Variants in PTPRK observed in about 807,000 individuals in gnomAD.
The protein encoded by PTPRK is receptor-type tyrosine-protein phosphatase kappa.
A neutral mutation model predicts 178.0 loss-of-function variants in PTPRK; 75 were observed. The observed-to-expected ratio is 0.42, with a 90% CI of 0.35 to 0.51. PTPRK has a LOEUF of 0.51. PTPRK is among the 20% of genes least tolerant of loss of function. The pLI, the probability that PTPRK is intolerant of heterozygous loss-of-function variation, is 0.02. For missense variants in PTPRK, 1,441 were observed against 1,797.8 expected (o/e 0.80, Z 3.59); for synonymous variants, 637 against 620.6 (o/e 1.03, Z -0.39).
intron 2 of PTPRK, among the ~76,000 whole-genome samples, chr6:128,381,727 A>G (rs1240474092): frequency 6.6e-6 from 1 of 152,304 alleles, no homozygotes; most frequent in East Asian, 1.9e-4. Flanking sequence ...AATGGAAGCT[A>G]AGAAAGGTTG....
chr6:128,040,870 G>A (rs1319713398), intron 13 of PTPRK, among the ~76,000 whole-genome samples: 1 of 152,020 alleles, frequency 6.6e-6, no homozygotes, highest in Non-Finnish European at 1.5e-5. Flanking sequence ...CTTGAATACA[G>A]AATAGGAAAT....
At chr6:128,028,258 G>A (rs1345478153) in intron 13 of PTPRK, among the ~76,000 whole-genome samples, 2 of 152,088 alleles carry the variant, frequency 1.3e-5, no homozygotes, top group African/African-American at 4.8e-5. Context: ...GTTTAAGTAA[G>A]CACCTGATAA....
intron 1 of PTPRK, among the ~76,000 whole-genome samples, chr6:128,503,134 G>A (rs146104992): frequency 0.014 from 2,152 of 152,280 alleles, 20 homozygotes; most frequent in Non-Finnish European, 0.021. Flanking sequence ...GATGAGGCAG[G>A]AGAATCACTT....
In PTPRK at chr6:128,001,277, T is replaced by C. The variant is rs1298653148; in HGVS notation, c.2495-2373A>G. 6 of 1,235,670 alleles carry C rather than the reference T, an allele frequency of 4.9e-6. No homozygotes were observed. In the Admixed American group the frequency reaches 8.9e-5, roughly 18 times the overall value. The allele number at this position is 1,235,670 out of a possible 1,614,324, so 76.5% of individuals were successfully genotyped here. ...ATCAGTATGAAAAGTTTCTAAGCCC[T>C]TTTAAATCAGTAAGTATTAGCATTA... On this transcript the variant is annotated intron_variant, in intron 15 of 29. Transcript: ENST00000368226.
chr6:128,003,245 A>C, intron 15 of PTPRK: 1 of 1,600,260 alleles, frequency 6.2e-7, no homozygotes, highest in South Asian at 1.1e-5. Flanking sequence ...GCAGGAAAAC[A>C]AAGCTCATGA....
Position 127,973,673 on chromosome 6 carries a change from A to T in PTPRK, c.4124T>A (p.Ile1375Asn). Residue 1375 changes from isoleucine to asparagine, a missense_variant, in exon 28 of 30, where the codon ATC becomes AAC. By Grantham distance (149) the Ile-to-Asn change is moderately radical. Coordinates refer to ENST00000368226, the MANE Select transcript of PTPRK (RefSeq NM_002844.4). ...GAGCTGCCCTACTCACAGGCAGTGGATAATCGTCCGGCCTTCCCCTTCCTC... is the reference window on the plus strand; with the variant it reads ...GAGCTGCCCTACTCACAGGCAGTGGTTAATCGTCCGGCCTTCCCCTTCCTC... Reference protein sequence around the residue: ...ECEEGEGRTIIHCLNGGGRSG... With the variant: ...ECEEGEGRTINHCLNGGGRSG... 1.2e-6 allele frequency: 2 copies of T among 1,613,630 alleles called. No homozygotes were observed. The highest frequency in any genetic ancestry group is 1.7e-6 in the Non-Finnish European group (2 of 1,179,912).
chr6:128,464,279 G>A (rs992466364), intron 1 of PTPRK, among the ~76,000 whole-genome samples: 4 of 151,878 alleles, frequency 2.6e-5, no homozygotes, highest in Admixed American at 2.6e-4. Flanking sequence ...AAGTCAAACA[G>A]GCGTCTAGTC....
At chr6:128,035,750 G>A (rs1377006255) in intron 13 of PTPRK, among the ~76,000 whole-genome samples, 1 of 152,154 alleles carries the variant, frequency 6.6e-6, no homozygotes, top group African/African-American at 2.4e-5. Flanking sequence ...CCTTCTGGAG[G>A]CATCTAGGAA....
chr6:128,476,027 A>G (rs564586410), intron 1 of PTPRK, among the ~76,000 whole-genome samples: 2 of 152,078 alleles, frequency 1.3e-5, no homozygotes, highest in Non-Finnish European at 2.9e-5. Context: ...TAGAAAGGAT[A>G]TCTTACCAAA....
chr6:128,370,707 A>C (rs1836154723), intron 2 of PTPRK, among the ~76,000 whole-genome samples: 1 of 152,128 alleles, frequency 6.6e-6, no homozygotes, highest in African/African-American at 2.4e-5. Flanking sequence ...TATGTTTTAG[A>C]CTTTTGTTAT....
chr6:128,133,530 T>C (rs763312517), intron 7 of PTPRK, among the ~76,000 whole-genome samples: 2 of 152,182 alleles, frequency 1.3e-5, no homozygotes, highest in Admixed American at 1.3e-4. Context: ...CAAAATTACA[T>C]CTGAGCTAAT....
chr6:128,262,221 T>G (rs1818278867), intron 3 of PTPRK, among the ~76,000 whole-genome samples: 1 of 152,182 alleles, frequency 6.6e-6, no homozygotes, highest in Non-Finnish European at 1.5e-5. Context: ...TTATGTAGTT[T>G]CCAACCTGTT....
chr6:128,270,676 T>G (rs1326365315), intron 3 of PTPRK, among the ~76,000 whole-genome samples: 1 of 152,172 alleles, frequency 6.6e-6, no homozygotes, highest in African/African-American at 2.4e-5. Flanking sequence ...CTTTAGATAA[T>G]GTACAATACG....
intron 22 of PTPRK, among the ~76,000 whole-genome samples, chr6:127,985,308 T>C (rs1035707899): frequency 1.3e-5 from 2 of 152,314 alleles, no homozygotes; most frequent in Non-Finnish European, 2.9e-5. Flanking sequence ...CCTTGCAATT[T>C]AGGCCATTTA....
Position 128,095,096 on chromosome 6 carries a change from A to T in PTPRK, c.1163-5104T>A, listed in dbSNP as rs114768953. Reference sequence around the variant, plus strand: ...CTAGTGTCTGCCCCATTTTTCAGATAAAAAAAAAAAGAATTGAATGAAAGA... The same window carrying T: ...CTAGTGTCTGCCCCATTTTTCAGATTAAAAAAAAAAGAATTGAATGAAAGA... On this transcript the variant is annotated intron_variant, in intron 7 of 29. Coordinates refer to ENST00000368226, the MANE Select transcript of PTPRK (RefSeq NM_002844.4). Among the ~76,000 whole-genome samples the T allele has an allele frequency of 1.4e-3, 198 of 144,894 alleles. 2 individuals carry two copies. Among genetic ancestry groups the T allele is most frequent in the Middle Eastern group, 7.0e-3 (2 of 284 alleles).
intron 3 of PTPRK, among the ~76,000 whole-genome samples, chr6:128,265,319 T>C (rs1818783756): frequency 6.6e-6 from 1 of 152,168 alleles, no homozygotes; most frequent in South Asian, 2.1e-4. Flanking sequence ...TCTGCTAAGA[T>C]AACTAATTTT....
At position 127,983,249 on chromosome 6, in the gene PTPRK, T is replaced by C. The variant is rs1336319802; in HGVS notation, c.3380A>G (p.Gln1127Arg). 6.2e-7 allele frequency: 1 copy of C among 1,610,466 alleles called. No individual in the cohort carries two copies. The highest frequency in any genetic ancestry group is 1.1e-5 in the South Asian group (1 of 90,648). ...ALRSRRINMV[Q>R]TEEQYIFIHD... ...ACAGGTAAATCTACATACCTCTGTC[T>C]GGACCATATTAATACGCCGAGATCT... is the stretch of plus-strand genomic sequence containing the variant. The change falls in exon 23 of 30, where the codon CAG becomes CGG. Residue 1127 changes from glutamine to arginine, a missense_variant. Gln to Arg is a conservative substitution (Grantham distance 43). Coordinates refer to ENST00000368226, the MANE Select transcript of PTPRK (RefSeq NM_002844.4).
intron 1 of PTPRK, among the ~76,000 whole-genome samples, chr6:128,430,109 G>A (rs1584680131): frequency 6.6e-6 from 1 of 152,210 alleles, no homozygotes; most frequent in East Asian, 1.9e-4. Flanking sequence ...AGGAATTTAA[G>A]GGAAGAAACT....
rs151019175 is a variant in PTPRK, at chr6:128,392,104, C to G, written c.223+5462G>C. ...ATAATCCCCTACATTCTCACCCCTA[C>G]CCCTTTCTGTATACCACCTGGCTCC... is the stretch of plus-strand genomic sequence containing the variant. On this transcript the variant is annotated intron_variant, in intron 2 of 29. Coordinates refer to ENST00000368226, the MANE Select transcript of PTPRK (RefSeq NM_002844.4). 1.1e-3 allele frequency among the ~76,000 whole-genome samples: 163 copies of G among 152,264 alleles called. 1 individual carries two copies. Among genetic ancestry groups the G allele is most frequent in the Admixed American group, 3.2e-3 (49 of 15,288 alleles).
Sources: gnomAD v4.1 joint callset for allele counts (sites outside exome capture counted in the v4.1 genomes callset) on GRCh38, gnomAD v4.1.1 for gene constraint, MANE v1.5 for transcripts, NCBI Gene and HGNC (gene_info 2026-07-23, HGNC 2026-07-21) for gene names.